Variants in SNX25 observed in about 807,000 individuals in gnomAD.
The protein encoded by SNX25 is sorting nexin 25.
A neutral mutation model predicts 113.7 loss-of-function variants in SNX25; 62 were observed. That is an observed-to-expected ratio of 0.55 (90% CI 0.44 to 0.67). The LOEUF is 0.67. Among genes scored for constraint, SNX25 ranks in the 30% least tolerant of loss-of-function variants. The probability of loss-of-function intolerance (pLI) is 0.00; values close to 1 mark genes in which losing one functional copy is unlikely to be tolerated. For synonymous variants in SNX25, 421 were observed against 436.2 expected, an observed-to-expected ratio of 0.97 and a Z score of 0.43; for missense variants, 1,014 against 1,161.0, an observed-to-expected ratio of 0.87 and a Z score of 1.84.
chr4:185,279,696 G>T (rs1750284783), intron 5 of SNX25, among the ~76,000 whole-genome samples: 1 of 152,004 alleles, frequency 6.6e-6, no homozygotes, highest in African/African-American at 2.4e-5. Context: ...CATTGGCAAG[G>T]GTGTAGGAAA....
intron 1 of SNX25, among the ~76,000 whole-genome samples, chr4:185,240,079 G>T (rs531516690): frequency 1.3e-5 from 2 of 151,806 alleles, no homozygotes; most frequent in East Asian, 3.9e-4. Context: ...GCACAGGGTT[G>T]GGGGTAAGGT....
In SNX25 at chr4:185,359,666, A is replaced by G. The variant is rs1260832811; in HGVS notation, c.2651+1929A>G. 2.0e-5 allele frequency among the ~76,000 whole-genome samples: 3 copies of G among 152,160 alleles called. No individual in the cohort carries two copies. The East Asian group carries it at 5.8e-4, about 29-fold the overall frequency. On this transcript the variant is annotated intron_variant, in intron 16 of 18. Transcript: ENST00000652585. ...AAAATTAGCTGGGCATGGTGGGTGC[A>G]TGCACCTGTAATTAAAAGAAATTCC...
At chr4:185,344,676 T>G (rs931046398) in intron 12 of SNX25, among the ~76,000 whole-genome samples, 1 of 152,154 alleles carries the variant, frequency 6.6e-6, no homozygotes, top group Non-Finnish European at 1.5e-5. Context: ...GAAAACACGG[T>G]TTGAAGCCAC....
At chr4:185,261,093 T>C (rs1747240109) in intron 3 of SNX25, among the ~76,000 whole-genome samples, 1 of 149,818 alleles carries the variant, frequency 6.7e-6, no homozygotes, top group Admixed American at 6.7e-5. Flanking sequence ...GACAGTATTC[T>C]GTCTGTCTGT....
downstream of SNX25, chr4:185,367,149 A>G (rs2095390685): frequency 5.7e-6 from 9 of 1,570,870 alleles, no homozygotes; most frequent in East Asian, 2.2e-5. Flanking sequence ...AGGTGTTAGC[A>G]TTGATGATCT....
chr4:185,351,118 C>T (rs141323536), intron 13 of SNX25, among the ~76,000 whole-genome samples: 136 of 152,278 alleles, frequency 8.9e-4, no homozygotes, highest in African/African-American at 2.9e-3. Flanking sequence ...AAAGTGGTAG[C>T]GCCTGGGATC....
At chr4:185,272,226 G>A (rs1300364343) in intron 5 of SNX25, among the ~76,000 whole-genome samples, 1 of 152,334 alleles carries the variant, frequency 6.6e-6, no homozygotes, top group South Asian at 2.1e-4. Context: ...CACAGTTGGT[G>A]TAGGTGGTGA....
At chr4:185,264,732 C>A in intron 4 of SNX25, 122 bp downstream of exon 4, 1 of 1,050,514 alleles carries the variant, frequency 9.5e-7, no homozygotes, top group Non-Finnish European at 1.4e-6. Flanking sequence ...GTTTATATGT[C>A]TCTAAAACTA....
chr4:185,272,224 G>T (rs530706791), intron 5 of SNX25, among the ~76,000 whole-genome samples: 2 of 152,226 alleles, frequency 1.3e-5, no homozygotes, highest in South Asian at 4.1e-4. Flanking sequence ...CCCACAGTTG[G>T]TGTAGGTGGT....
At chr4:185,287,893 TGG>T (rs1402729266) in intron 5 of SNX25, 117 bp from the exon 6 acceptor site, 2 of 803,480 alleles carry the variant, frequency 2.5e-6, no homozygotes, top group Admixed American at 5.6e-5. Flanking sequence ...TATGGAGCCT[TGG>T]GCAGGATTCA....
At chr4:185,362,800 A>G (rs2095371296) in intron 18 of SNX25, 89 bp downstream of exon 18, 3 of 911,564 alleles carry the variant, frequency 3.3e-6, no homozygotes, top group African/African-American at 3.4e-5. Flanking sequence ...CAGTGGCTGC[A>G]GCACTCTCAT....
chr4:185,280,370 T>C (rs1750398898), intron 5 of SNX25, among the ~76,000 whole-genome samples: 1 of 152,202 alleles, frequency 6.6e-6, no homozygotes, highest in African/African-American at 2.4e-5. Context: ...AAAATATTAA[T>C]TATAAATTAA....
downstream of SNX25, among the ~76,000 whole-genome samples, chr4:185,367,812 C>G (rs547252172): frequency 6.6e-6 from 1 of 152,242 alleles, no homozygotes; most frequent in African/African-American, 2.4e-5. Context: ...GTTACACATT[C>G]TACATATGTA....
intron 12 of SNX25, among the ~76,000 whole-genome samples, chr4:185,344,980 G>T (rs1012767608): frequency 2.1e-4 from 32 of 152,130 alleles, no homozygotes; most frequent in African/African-American, 7.5e-4. Context: ...ACAGAAAAAT[G>T]TGTTGTTTTC....
rs78949424 is a variant in SNX25 at position 185,351,055 on chromosome 4, A to G, written c.2302-390A>G. 6.6e-3 allele frequency among the ~76,000 whole-genome samples: 958 copies of G among 146,078 alleles called. 14 individuals carry two copies. The highest frequency in any genetic ancestry group is 0.051 in the South Asian group (245 of 4,828). ...GGGCAATTTAGAGGTATCCATGTGT[A>G]ATTTGCAAAAATTTAAGTTGGTCAA... On this transcript the variant is annotated intron_variant, in intron 13 of 18. Transcript: ENST00000652585.
At chr4:185,254,481 C>A (rs1363180589) in intron 2 of SNX25, among the ~76,000 whole-genome samples, 1 of 152,138 alleles carries the variant, frequency 6.6e-6, no homozygotes, top group Admixed American at 6.5e-5. Context: ...ATTTCTAAAT[C>A]GCTCAGGGGA....
chr4:185,256,819 T>C (rs753883816), intron 2 of SNX25, among the ~76,000 whole-genome samples: 1 of 151,794 alleles, frequency 6.6e-6, no homozygotes, highest in Non-Finnish European at 1.5e-5. Flanking sequence ...AGATGGGGTT[T>C]TGCCATGCTG....
intron 1 of SNX25, among the ~76,000 whole-genome samples, chr4:185,239,349 G>A (rs1018441209): frequency 3.3e-5 from 5 of 152,208 alleles, no homozygotes; most frequent in East Asian, 1.9e-4. Flanking sequence ...CGGGCGTGGT[G>A]GTGGGCACCT....
At chr4:185,293,186 A>T (rs953876907) in intron 6 of SNX25, among the ~76,000 whole-genome samples, 2 of 152,234 alleles carry the variant, frequency 1.3e-5, no homozygotes, top group African/African-American at 4.8e-5. Flanking sequence ...TGGAAACCTT[A>T]TACATTGCTG....
Sources: allele counts gnomAD v4.1 joint callset (sites outside exome capture counted in the v4.1 genomes callset), GRCh38; gene constraint gnomAD v4.1.1; transcripts MANE v1.5; gene names NCBI Gene and HGNC (gene_info 2026-07-23, HGNC 2026-07-21).